The following SGCZ variants were observed in gnomAD, a reference collection of about 807,000 sequenced individuals.
SGCZ encodes zeta-sarcoglycan.
SGCZ carries 40 observed loss-of-function variants against 41.3 expected under a neutral mutation model. That is an observed-to-expected ratio of 0.97 (90% CI 0.75 to 1.26). The LOEUF (loss-of-function observed/expected upper bound fraction) is 1.26, where lower values mean the gene tolerates loss of function less well. Among genes scored for constraint, SGCZ ranks in the 50% most tolerant of loss-of-function variants. The probability of loss-of-function intolerance (pLI) is 0.00; values close to 1 mark genes in which losing one functional copy is unlikely to be tolerated. For missense variants in SGCZ, 552 were observed against 369.8 expected (o/e 1.49, Z -4.04); for synonymous variants, 206 against 137.5 (o/e 1.50, Z -3.49).
chr8:14,175,506 T>A (rs2117009624), intron 4 of SGCZ, among the ~76,000 whole-genome samples: 1 of 152,270 alleles, frequency 6.6e-6, no homozygotes, highest in East Asian at 1.9e-4. Flanking sequence ...TTATGCATTC[T>A]GAGGTTGCAT....
intron 1 of SGCZ, among the ~76,000 whole-genome samples, chr8:14,891,920 T>G (rs1216305286): frequency 6.6e-6 from 1 of 152,294 alleles, no homozygotes; most frequent in South Asian, 2.1e-4. Context: ...AGTAATTTTT[T>G]AAAATTATGG....
chr8:14,104,994 T>G (rs1802157204), intron 6 of SGCZ, among the ~76,000 whole-genome samples: 3 of 152,138 alleles, frequency 2.0e-5, no homozygotes, highest in Admixed American at 1.3e-4. Flanking sequence ...CATCACTTTT[T>G]ACCATAGGTA....
intron 1 of SGCZ, among the ~76,000 whole-genome samples, chr8:14,742,320 C>A: frequency 6.6e-6 from 1 of 152,034 alleles, no homozygotes; most frequent in South Asian, 2.1e-4. Flanking sequence ...CGCTCACACA[C>A]ACACACACCT....
chr8:14,459,979 A>C (rs76612228), intron 2 of SGCZ, among the ~76,000 whole-genome samples: 5,417 of 152,216 alleles, frequency 0.036, 296 homozygotes, highest in African/African-American at 0.12. Flanking sequence ...ACTAAACAGA[A>C]CATGGGGTAT....
At chr8:14,983,192 C>CT (rs66885648) in intron 1 of SGCZ, among the ~76,000 whole-genome samples, 4,961 of 135,248 alleles carry the variant, frequency 0.037, 300 homozygotes, top group African/African-American at 0.13. Flanking sequence ...TTTCTTTTTT[C>CT]TTTTTTTTTT....
rs1475415689 is a variant in SGCZ at position 14,555,221 on chromosome 8, C to T, written c.40-295G>A. ...TTTTCCCTTGGGAGGCTCAGGTCTACCTCCAGTTACCGGTAACTAAAGAAC... is the reference window on the plus strand; with the variant it reads ...TTTTCCCTTGGGAGGCTCAGGTCTATCTCCAGTTACCGGTAACTAAAGAAC... On this transcript the variant is annotated intron_variant, in intron 1 of 7. Coordinates refer to ENST00000382080, the MANE Select transcript of SGCZ (RefSeq NM_139167.4). 3.3e-5 allele frequency among the ~76,000 whole-genome samples: 5 copies of T among 152,096 alleles called. No individual in the cohort carries two copies. In the East Asian group the frequency reaches 7.8e-4, roughly 24 times the overall value.
chr8:14,544,680 T>G (rs1429232379), intron 2 of SGCZ, among the ~76,000 whole-genome samples: 4 of 152,072 alleles, frequency 2.6e-5, no homozygotes, highest in Admixed American at 2.6e-4. Context: ...TGGGGAAAAC[T>G]CCACCCTGGT....
At chr8:14,249,372 G>T (rs183590985) in intron 3 of SGCZ, among the ~76,000 whole-genome samples, 21 of 152,052 alleles carry the variant, frequency 1.4e-4, no homozygotes, top group Admixed American at 3.9e-4. Flanking sequence ...CAGATCCTGG[G>T]GTTTCTCATC....
chr8:14,272,704 T>C (rs555834629), intron 3 of SGCZ, among the ~76,000 whole-genome samples: 1 of 152,280 alleles, frequency 6.6e-6, no homozygotes, highest in African/African-American at 2.4e-5. Context: ...CTGAGGTTAG[T>C]AGGGAATGAC....
intron 4 of SGCZ, among the ~76,000 whole-genome samples, chr8:14,231,893 T>C (rs1222509186): frequency 6.6e-6 from 1 of 152,126 alleles, no homozygotes; most frequent in Non-Finnish European, 1.5e-5. Flanking sequence ...GGAACATCAC[T>C]GTAGTTTAAT....
chr8:14,488,952 GA>G (rs1297195982), intron 2 of SGCZ, among the ~76,000 whole-genome samples: 1 of 132,462 alleles, frequency 7.5e-6, no homozygotes, highest in African/African-American at 2.8e-5. Context: ...GTATCTAAAA[GA>G]AAAAAATTCA....
At chr8:14,229,000 G>A (rs12547581) in intron 4 of SGCZ, among the ~76,000 whole-genome samples, 34,442 of 151,968 alleles carry the variant, frequency 0.23, 4,850 homozygotes, top group South Asian at 0.41. Context: ...TTGTAGAACT[G>A]CAGTGATTGA....
At chr8:15,078,998 T>C (rs1482695669) in intron 1 of SGCZ, among the ~76,000 whole-genome samples, 1 of 152,168 alleles carries the variant, frequency 6.6e-6, no homozygotes, top group Non-Finnish European at 1.5e-5. Flanking sequence ...CTGATGTGTG[T>C]GTTTCAAATT....
intron 1 of SGCZ, among the ~76,000 whole-genome samples, chr8:14,733,697 G>T (rs956807855): frequency 1.3e-5 from 2 of 152,128 alleles, no homozygotes; most frequent in Non-Finnish European, 1.5e-5. Flanking sequence ...GTACATCAAT[G>T]CAGCTATGCT....
intron 1 of SGCZ, among the ~76,000 whole-genome samples, chr8:15,167,315 G>A (rs898836346): frequency 2.0e-5 from 3 of 152,202 alleles, no homozygotes; most frequent in Non-Finnish European, 2.9e-5. Flanking sequence ...TTGCAGAGCC[G>A]AGAAAAGCCT....
At chr8:14,428,494 G>T (rs1799851830) in intron 2 of SGCZ, among the ~76,000 whole-genome samples, 1 of 152,074 alleles carries the variant, frequency 6.6e-6, no homozygotes, top group Non-Finnish European at 1.5e-5. Flanking sequence ...AATGTGAAAA[G>T]AAATTAGAGT....
chr8:14,851,368 C>CAAAAAAAAAA (rs369090223), intron 1 of SGCZ, among the ~76,000 whole-genome samples: 70 of 61,712 alleles, frequency 1.1e-3, no homozygotes, highest in African/African-American at 2.5e-3. Flanking sequence ...GACTCCATCT[C>CAAAAAAAAAA]AAAAAAAAAA....
At chr8:15,159,838 G>A (rs1268784410) in intron 1 of SGCZ, among the ~76,000 whole-genome samples, 2 of 148,220 alleles carry the variant, frequency 1.3e-5, no homozygotes, top group Non-Finnish European at 3.0e-5. Flanking sequence ...CTGAATTTGG[G>A]GTAACCCCTC....
chr8:14,891,740 G>A (rs983913131), intron 1 of SGCZ, among the ~76,000 whole-genome samples: 1 of 152,164 alleles, frequency 6.6e-6, no homozygotes, highest in African/African-American at 2.4e-5. Context: ...GTAAAAGGAA[G>A]AGTCAATCAA....
Sources: allele counts gnomAD v4.1 joint callset (sites outside exome capture counted in the v4.1 genomes callset), GRCh38; gene constraint gnomAD v4.1.1; transcripts MANE v1.5; gene names NCBI Gene and HGNC (gene_info 2026-07-23, HGNC 2026-07-21).